Variants in APOBEC3D observed in about 807,000 individuals in gnomAD.
APOBEC3D encodes apolipoprotein B mRNA editing enzyme catalytic subunit 3D, also known as DNA dC->dU-editing enzyme APOBEC-3D.
Under a neutral mutation model 45.6 loss-of-function variants are expected in APOBEC3D, and 37 were observed. The ratio of observed to expected loss-of-function variants is 0.81; its 90% CI spans 0.62 to 1.07. APOBEC3D has a LOEUF of 1.07. Ranked by LOEUF, APOBEC3D falls within the 50% of genes least tolerant of loss-of-function variation. The probability of loss-of-function intolerance (pLI) is 0.00; values close to 1 mark genes in which losing one functional copy is unlikely to be tolerated. For synonymous variants in APOBEC3D, 175 were observed against 180.7 expected, an observed-to-expected ratio of 0.97 and a Z score of 0.25; for missense variants, 496 against 495.3, an observed-to-expected ratio of 1.00 and a Z score of -0.01.
At chr22:39,021,662 T>A (rs1925123574) in intron 1 of APOBEC3D, 126 bp downstream of exon 1, 17 of 1,342,146 alleles carry the variant, frequency 1.3e-5, no homozygotes, top group Non-Finnish European at 1.8e-5. Flanking sequence ...CTGGCTTCCC[T>A]GCCGCCCCCA....
In APOBEC3D at chr22:39,032,197, G is replaced by C. The variant is rs770143102; in HGVS notation, c.1043-1G>C. 4.3e-6 allele frequency: 7 copies of C among 1,613,372 alleles called. No homozygotes were observed. Among genetic ancestry groups the C allele is most frequent in the Non-Finnish European group, 1.7e-6 (2 of 1,179,720 alleles). On this transcript the variant is annotated splice_acceptor_variant, in intron 6 of 6. Transcript: ENST00000216099. LOFTEE classifies it high-confidence loss of function. ...CTGCTTTCTCCTTGTTTTTTTCTCA[G>C]ATTTTGTATCTTGTTGGAAAAACTT...
chr22:39,027,804 A>G (rs530717406), intron 4 of APOBEC3D, among the ~76,000 whole-genome samples: 7 of 151,836 alleles, frequency 4.6e-5, no homozygotes, highest in Non-Finnish European at 1.0e-4. Context: ...TTGCCCTGCT[A>G]TGTGGTCGCC....
intron 4 of APOBEC3D, among the ~76,000 whole-genome samples, chr22:39,026,761 T>TG (rs200833905): frequency 2.9e-4 from 43 of 150,814 alleles, no homozygotes; most frequent in Non-Finnish European, 4.6e-4. Context: ...TTTTTTGTTT[T>TG]TTTTTTTTTG....
At chr22:39,025,695 T>G (rs369340896) in intron 4 of APOBEC3D, 24 bp downstream of exon 4, 80 of 1,613,720 alleles carry the variant, frequency 5.0e-5, no homozygotes, top group Non-Finnish European at 6.1e-5. Flanking sequence ...TCTGGCCTCA[T>G]CGTCTCTCTC....
In APOBEC3D at chr22:39,022,160, G is replaced by C. The variant is rs200902427; in HGVS notation, c.17+624G>C. On this transcript the variant is annotated intron_variant, in intron 1 of 6. Transcript: ENST00000216099. The stretch of plus-strand genomic sequence containing the variant: ...GAGAAATGCTCTTATTTTAAATTTA[G>C]TGAAAAGAGAGCCCAGTCCCCAACA... Among the ~76,000 whole-genome samples, 21 of 152,358 alleles carry C rather than the reference G, an allele frequency of 1.4e-4. No homozygotes were observed. The East Asian group carries it at 3.3e-3, about 24-fold the overall frequency.
At chr22:39,028,718 A>G (rs914301028) in intron 4 of APOBEC3D, among the ~76,000 whole-genome samples, 2 of 152,138 alleles carry the variant, frequency 1.3e-5, no homozygotes, top group African/African-American at 4.8e-5. Context: ...GGTGGATCAC[A>G]AGGTCAGGAG....
intron 4 of APOBEC3D, among the ~76,000 whole-genome samples, chr22:39,025,894 C>T (rs899062371): frequency 1.2e-4 from 18 of 152,106 alleles, no homozygotes; most frequent in African/African-American, 2.7e-4. Flanking sequence ...GCCTCCAGAG[C>T]GACCTCCATC....
At chr22:39,022,050 C>G (rs1258180379) in intron 1 of APOBEC3D, among the ~76,000 whole-genome samples, 1 of 152,216 alleles carries the variant, frequency 6.6e-6, no homozygotes, top group Non-Finnish European at 1.5e-5. Context: ...GCAGATGTCC[C>G]CAGACAGGTT....
chr22:39,021,594 G>C, intron 1 of APOBEC3D, 58 bp downstream of exon 1: 1 of 1,612,148 alleles, frequency 6.2e-7, no homozygotes, highest in Non-Finnish European at 8.5e-7. Context: ...TGGTGGTCCT[G>C]CTGGGCCTCA....
At position 39,022,951 on chromosome 22, in the gene APOBEC3D, T is replaced by G. The variant is rs750101112; in HGVS notation, c.147T>G (p.Leu49=). The G allele has an allele frequency of 6.2e-7, 1 of 1,613,846 alleles. No homozygotes were observed. Among genetic ancestry groups the G allele is most frequent in the East Asian group, 2.2e-5 (1 of 44,854 alleles). Residue 49 remains leucine, a synonymous_variant, in exon 2 of 7, where the codon CTT becomes CTG. Coordinates refer to ENST00000216099, the MANE Select transcript of APOBEC3D (RefSeq NM_152426.4). ...TAAAGAGGGGCCGCTCAAATCTCCT[T>G]TGGGACACAGGGGTCTTTCGAGGCC... ...VKIKRGRSNL[L]WDTGVFRGPV...
At chr22:39,027,674 C>A (rs1409778715) in intron 4 of APOBEC3D, among the ~76,000 whole-genome samples, 1 of 152,214 alleles carries the variant, frequency 6.6e-6, no homozygotes, top group Non-Finnish European at 1.5e-5. Flanking sequence ...GCCCATGGGG[C>A]CTCTGCTGCC....
intron 2 of APOBEC3D, among the ~76,000 whole-genome samples, chr22:39,024,127 G>A (rs1428621929): frequency 6.6e-6 from 1 of 152,248 alleles, no homozygotes; most frequent in Non-Finnish European, 1.5e-5. Context: ...ATTTAATCCA[G>A]TGTAGCTAAC....
chr22:39,025,182 C>T lies in APOBEC3D; in HGVS notation c.323C>T (p.Pro108Leu). 6.2e-7 allele frequency: 1 copy of T among 1,614,074 alleles called. No individual in the cohort carries two copies. The highest frequency in any genetic ancestry group is 8.5e-7 in the Non-Finnish European group (1 of 1,179,976). The change falls in exon 3 of 7, where the codon CCC becomes CTC. Residue 108 changes from proline (P) to leucine (L), a missense_variant. Pro to Leu is a moderately conservative substitution (Grantham distance 98, BLOSUM62 -3). Coordinates refer to ENST00000216099, the MANE Select transcript of APOBEC3D (RefSeq NM_152426.4). ...FQITWFVSWN[P>L]CLPCVVKVTK... ...ATCACCTGGTTTGTATCATGGAACC[C>T]CTGCCTGCCCTGTGTGGTGAAGGTG...
Position 39,032,184 on chromosome 22 carries a change from T to TG in APOBEC3D, c.1043-13dup. ...TGCTGGGCCCTCACTGCTTTCTCCT[T>TG]GTTTTTTTCTCAGATTTTGTATCTT... On this transcript the variant is annotated splice_polypyrimidine_tract_variant and intron_variant, in intron 6 of 6. Coordinates refer to ENST00000216099, the MANE Select transcript of APOBEC3D (RefSeq NM_152426.4). 1 of 1,613,444 alleles carries TG rather than the reference T, an allele frequency of 6.2e-7. No individual in the cohort carries two copies. Among genetic ancestry groups the TG allele is most frequent in the South Asian group, 1.1e-5 (1 of 91,032 alleles).
At position 39,021,451 on chromosome 22, in the gene APOBEC3D, G is replaced by C; in HGVS notation, c.-69G>C. The C allele has an allele frequency of 6.2e-7, 1 of 1,610,632 alleles. No homozygotes were observed. Among genetic ancestry groups the C allele is most frequent in the South Asian group, 1.1e-5 (1 of 90,994 alleles). On this transcript the variant is annotated 5_prime_UTR_variant, in exon 1 of 7. Coordinates refer to ENST00000216099, the MANE Select transcript of APOBEC3D (RefSeq NM_152426.4). ...GCTGTCCAACTGCAAGGAGCCGCAA[G>C]CAGGAAGTGAAACCACAGCACTTCA...
At chr22:39,028,189 G>A (rs1239109305) in intron 4 of APOBEC3D, among the ~76,000 whole-genome samples, 4 of 152,196 alleles carry the variant, frequency 2.6e-5, no homozygotes, top group African/African-American at 9.7e-5. Flanking sequence ...CTCCTCCTCC[G>A]TGAGCACCAT....
intron 4 of APOBEC3D, among the ~76,000 whole-genome samples, chr22:39,028,380 C>T (rs1343420282): frequency 6.6e-6 from 1 of 152,282 alleles, no homozygotes; most frequent in African/African-American, 2.4e-5. Flanking sequence ...CCATCCACCG[C>T]CCCAGCTCTG....
Position 39,033,136 on chromosome 22 carries a change from G to C in APOBEC3D, c.*820G>C. On this transcript the variant is annotated 3_prime_UTR_variant, in exon 7 of 7. Coordinates refer to ENST00000216099, the MANE Select transcript of APOBEC3D (RefSeq NM_152426.4). ...GGAGGATGAAGTGGGAGGACTGCTT[G>C]AGCCGGGGAGGTGGAGGCTGGAGTA... 1 of 355,958 alleles carries C rather than the reference G, an allele frequency of 2.8e-6. No homozygotes were observed. Among genetic ancestry groups the C allele is most frequent in the Non-Finnish European group, 3.9e-6 (1 of 254,730 alleles). 22.0% of individuals were successfully genotyped at this position (355,958 alleles called of 1,614,324 possible).
In APOBEC3D at chr22:39,029,517, C is replaced by G. The variant is rs781486468; in HGVS notation, c.760C>G (p.Gln254Glu). Residue 254 changes from glutamine to glutamate, a missense_variant and splice_region_variant, in exon 5 of 7, where the codon CAG becomes GAG. Physicochemically the swap from Gln to Glu is conservative, Grantham distance 29. Coordinates refer to ENST00000216099, the MANE Select transcript of APOBEC3D (RefSeq NM_152426.4). Reference protein sequence around the residue: ...VFRKRGVFRNQVDPETHCHAE... With the variant: ...VFRKRGVFRNEVDPETHCHAE... ...CCGGAAGAGGGGCGTCTTCCGAAACCAGGTAGCACCAAAGTCCTATTTACA... is the reference window on the plus strand; with the variant it reads ...CCGGAAGAGGGGCGTCTTCCGAAACGAGGTAGCACCAAAGTCCTATTTACA... 1.2e-6 allele frequency: 2 copies of G among 1,614,182 alleles called. No homozygotes were observed. Among genetic ancestry groups the G allele is most frequent in the East Asian group, 4.5e-5 (2 of 44,886 alleles).
Sources: allele counts gnomAD v4.1 joint callset (sites outside exome capture counted in the v4.1 genomes callset), GRCh38; gene constraint gnomAD v4.1.1; transcripts MANE v1.5; gene names NCBI Gene and HGNC (gene_info 2026-07-23, HGNC 2026-07-21).